The following CPA6 variants were observed in gnomAD, a reference collection of about 807,000 sequenced individuals.
The protein encoded by CPA6 is carboxypeptidase A6.
In CPA6, 58 loss-of-function variants were observed where a neutral mutation model predicts 63.3. The observed-to-expected ratio is 0.92, with a 90% CI of 0.74 to 1.14. The LOEUF (loss-of-function observed/expected upper bound fraction) is 1.14. Among genes scored for constraint, CPA6 ranks in the 50% most tolerant of loss-of-function variants. The probability of loss-of-function intolerance (pLI) is 0.00; values close to 1 mark genes in which losing one functional copy is unlikely to be tolerated. For missense variants in CPA6, 565 were observed against 526.6 expected (o/e 1.07, Z -0.71); for synonymous variants, 185 against 179.0 (o/e 1.03, Z -0.27).
intron 2 of CPA6, among the ~76,000 whole-genome samples, chr8:67,597,419 C>T (rs1814373634): frequency 6.6e-6 from 1 of 152,178 alleles, no homozygotes; most frequent in Non-Finnish European, 1.5e-5. Context: ...GAGTCTCGAT[C>T]TCTTGACCTC....
chr8:67,429,654 CT>C (rs1196775877), intron 9 of CPA6: 1 of 152,116 alleles, frequency 6.6e-6, no homozygotes, highest in Non-Finnish European at 1.5e-5. Context: ...AATTAAATAC[CT>C]TTATGGAGAT....
chr8:67,698,541 TACTC>T (rs953425105), intron 1 of CPA6, among the ~76,000 whole-genome samples: 20 of 152,350 alleles, frequency 1.3e-4, no homozygotes, highest in African/African-American at 4.8e-4. Context: ...TTCTAAGAAA[TACTC>T]AGTCTGTAAT....
chr8:67,727,502 A>T (rs1020660461), intron 1 of CPA6, among the ~76,000 whole-genome samples: 7 of 152,122 alleles, frequency 4.6e-5, no homozygotes, highest in African/African-American at 1.7e-4. Context: ...GACTCAGAAA[A>T]CTTCTTCCAA....
intron 8 of CPA6, among the ~76,000 whole-genome samples, chr8:67,453,906 TACTC>T (rs1392257523): frequency 6.6e-6 from 1 of 152,256 alleles, no homozygotes; most frequent in African/African-American, 2.4e-5. Context: ...AAACTTGTAA[TACTC>T]AGAAGTACTG....
At chr8:67,584,304 G>T (rs1252431409) in intron 2 of CPA6, among the ~76,000 whole-genome samples, 2 of 152,196 alleles carry the variant, frequency 1.3e-5, no homozygotes, top group African/African-American at 4.8e-5. Flanking sequence ...AAGGGAGGAG[G>T]AAGTGAGGGG....
At chr8:67,504,766 A>T (rs191136172) in intron 6 of CPA6, among the ~76,000 whole-genome samples, 1 of 152,128 alleles carries the variant, frequency 6.6e-6, no homozygotes, top group African/African-American at 2.4e-5. Context: ...GCTCAGACAG[A>T]AAATGGAGTG....
intron 2 of CPA6, among the ~76,000 whole-genome samples, chr8:67,587,038 G>A (rs1176941752): frequency 1.3e-5 from 2 of 152,234 alleles, no homozygotes; most frequent in Non-Finnish European, 2.9e-5. Context: ...GGCCACTGCA[G>A]CTTCGCAGGC....
intron 8 of CPA6, among the ~76,000 whole-genome samples, chr8:67,472,938 T>TTA (rs1484906184): frequency 6.6e-6 from 1 of 152,198 alleles, no homozygotes; most frequent in African/African-American, 2.4e-5. Flanking sequence ...CAAGCATTAT[T>TTA]TATAATCTGT....
chr8:67,433,505 C>T (rs971998904), intron 9 of CPA6, among the ~76,000 whole-genome samples: 6 of 152,134 alleles, frequency 3.9e-5, no homozygotes, highest in Non-Finnish European at 7.4e-5. Context: ...GATACATACC[C>T]AAAGACTTAG....
intron 3 of CPA6, among the ~76,000 whole-genome samples, chr8:67,517,376 A>G (rs2128966703): frequency 6.6e-6 from 1 of 152,182 alleles, no homozygotes; most frequent in South Asian, 2.1e-4. Flanking sequence ...CCCCACTAAC[A>G]TGTGCCTCCT....
rs547056301 is a variant in CPA6, at chr8:67,567,918, C to G, written c.193-49871G>C. Among the ~76,000 whole-genome samples the G allele has an allele frequency of 7.9e-5, 12 of 151,822 alleles. No homozygotes were observed. The South Asian group carries it at 1.7e-3, about 21-fold the overall frequency. On this transcript the variant is annotated intron_variant, in intron 2 of 10. Coordinates refer to ENST00000297770, the MANE Select transcript of CPA6 (RefSeq NM_020361.5). ...ACATAGGGGAAAGAGTGCAGTTAGA[C>G]CACCTGGGGTCAGGCAGAAACAAAG...
chr8:67,441,100 G>C (rs1342124977), intron 8 of CPA6, among the ~76,000 whole-genome samples: 4 of 152,158 alleles, frequency 2.6e-5, no homozygotes, highest in Non-Finnish European at 5.9e-5. Context: ...ACTAGATCCT[G>C]TATAGGATAC....
Position 67,511,626 on chromosome 8 carries a change from A to G in CPA6, c.347T>C (p.Leu116Pro), listed in dbSNP as rs776114445. ...KVLIEDLQKTLEKGSSLHTQR... is the reference protein window; with the variant it reads ...KVLIEDLQKTPEKGSSLHTQR... ...GGTGTGCAAGCTGCTTCCCTTCTCC[A>G]GTGTTTTCTGAAGATCTTCTATGAG... Residue 116 changes from leucine (L) to proline (P), a missense_variant, in exon 4 of 11, where the codon CTG (leucine) becomes CCG (proline). By Grantham distance (98) the Leu-to-Pro change is moderately conservative (BLOSUM62 -3). Transcript: ENST00000297770. 13 of 1,611,708 alleles carry G rather than the reference A, an allele frequency of 8.1e-6. No individual in the cohort carries two copies. The highest frequency in any genetic ancestry group is 1.1e-5 in the South Asian group (1 of 91,014).
At chr8:67,452,008 T>C (rs1012223966) in intron 8 of CPA6, among the ~76,000 whole-genome samples, 1 of 152,040 alleles carries the variant, frequency 6.6e-6, no homozygotes, top group Admixed American at 6.6e-5. Flanking sequence ...AAATACGGAG[T>C]GATAACTTCA....
chr8:67,476,705 A>G (rs1249156399), intron 8 of CPA6, among the ~76,000 whole-genome samples: 2 of 152,202 alleles, frequency 1.3e-5, no homozygotes, highest in Non-Finnish European at 2.9e-5. Context: ...ATCCCTAAGG[A>G]GTCAGATTAT....
At chr8:67,465,659 T>G (rs1015365031) in intron 8 of CPA6, among the ~76,000 whole-genome samples, 2 of 151,958 alleles carry the variant, frequency 1.3e-5, no homozygotes, top group Non-Finnish European at 2.9e-5. Flanking sequence ...TCTGGAGGAT[T>G]TTTATCATGA....
chr8:67,669,260 G>C (rs1214269077), intron 1 of CPA6, among the ~76,000 whole-genome samples: 1 of 152,114 alleles, frequency 6.6e-6, no homozygotes, highest in Non-Finnish European at 1.5e-5. Context: ...ACCAGAGACT[G>C]TAACTAGTCC....
intron 2 of CPA6, among the ~76,000 whole-genome samples, chr8:67,532,705 G>T (rs562955805): frequency 3.0e-4 from 45 of 151,732 alleles, no homozygotes; most frequent in Non-Finnish European, 5.0e-4. Flanking sequence ...GTAAATGAAA[G>T]GAATAATTTC....
At chr8:67,521,576 A>C (rs1339560188) in intron 2 of CPA6, among the ~76,000 whole-genome samples, 1 of 152,244 alleles carries the variant, frequency 6.6e-6, no homozygotes, top group Non-Finnish European at 1.5e-5. Flanking sequence ...AGAAGGGCTG[A>C]GGTTCTTTTG....
Sources: gnomAD v4.1 joint callset for allele counts (sites outside exome capture counted in the v4.1 genomes callset) on GRCh38, gnomAD v4.1.1 for gene constraint, MANE v1.5 for transcripts, NCBI Gene and HGNC (gene_info 2026-07-23, HGNC 2026-07-21) for gene names.